The following FAR2 variants were observed in gnomAD, a reference collection of about 807,000 sequenced individuals.
The protein encoded by FAR2 is fatty acyl-CoA reductase 2.
In FAR2, 19 loss-of-function variants were observed where a neutral mutation model predicts 56.0. The observed-to-expected ratio is 0.34, with a 90% CI of 0.24 to 0.50. The LOEUF (loss-of-function observed/expected upper bound fraction) is 0.50. FAR2 is among the 20% of genes least tolerant of loss of function. The probability of loss-of-function intolerance (pLI) is 0.98; values close to 1 mark genes in which losing one functional copy is unlikely to be tolerated. For synonymous variants in FAR2, 219 were observed against 218.8 expected, an observed-to-expected ratio of 1.00 and a Z score of -0.01; for missense variants, 508 against 642.2, an observed-to-expected ratio of 0.79 and a Z score of 2.26.
chr12:29,292,362 G>A (rs1238449628), intron 2 of FAR2: 1 of 152,092 alleles, frequency 6.6e-6, no homozygotes, highest in African/African-American at 2.4e-5. Context: ...AATATATCAT[G>A]TAGACTCAAA....
intron 9 of FAR2, among the ~76,000 whole-genome samples, chr12:29,318,485 T>C (rs1227742104): frequency 6.6e-6 from 1 of 152,168 alleles, no homozygotes; most frequent in African/African-American, 2.4e-5. Flanking sequence ...TCTATATGTA[T>C]CTTGTGAGAA....
At chr12:29,200,863 A>C (rs1947400343) in intron 1 of FAR2, among the ~76,000 whole-genome samples, 1 of 152,164 alleles carries the variant, frequency 6.6e-6, no homozygotes, top group South Asian at 2.1e-4. Context: ...TTACTGAATA[A>C]ATGTGAGTCT....
intron 2 of FAR2, among the ~76,000 whole-genome samples, chr12:29,273,865 C>T (rs1948660577): frequency 6.6e-6 from 1 of 152,128 alleles, no homozygotes; most frequent in African/African-American, 2.4e-5. Context: ...TGCTCACTCA[C>T]CACCTCCCTT....
At chr12:29,271,152 A>G (rs948716490) in intron 2 of FAR2, among the ~76,000 whole-genome samples, 3 of 152,200 alleles carry the variant, frequency 2.0e-5, no homozygotes, top group Non-Finnish European at 4.4e-5. Flanking sequence ...CTATTATCCA[A>G]TAAGTTCTTC....
intron 2 of FAR2, among the ~76,000 whole-genome samples, chr12:29,278,348 TTAAATTTC>T (rs1438884474): frequency 6.6e-6 from 1 of 152,158 alleles, no homozygotes; most frequent in African/African-American, 2.4e-5. Flanking sequence ...TAGACTTTTT[TTAAATTTC>T]TGAGACATGG....
At chr12:29,261,173 C>T (rs1436530624) in intron 1 of FAR2, among the ~76,000 whole-genome samples, 1 of 152,090 alleles carries the variant, frequency 6.6e-6, no homozygotes, top group Non-Finnish European at 1.5e-5. Context: ...CACCAGTGAC[C>T]AATCCAAGGT....
Position 29,333,830 on chromosome 12 carries a change from CA to C in FAR2, c.*37del, listed in dbSNP as rs755459193. On this transcript the variant is annotated 3_prime_UTR_variant, in exon 12 of 12. Coordinates refer to ENST00000536681, the MANE Select transcript of FAR2 (RefSeq NM_001271783.2). The stretch of plus-strand genomic sequence containing the variant: ...CCATCGCTTTTTATCTGGAACCTCT[CA>C]GATACCTCTAAAACAGCAAACTGTG... 3 of 1,593,750 alleles carry C rather than the reference CA, an allele frequency of 1.9e-6. No homozygotes were observed. In the South Asian group the frequency reaches 3.4e-5, roughly 18 times the overall value.
chr12:29,309,642 G>A (rs1220922419), intron 6 of FAR2: 1 of 155,516 alleles, frequency 6.4e-6, no homozygotes, highest in East Asian at 1.9e-4. Flanking sequence ...GAGTTTATGT[G>A]CGTGTGTAGA....
At chr12:29,311,611 ATGTGAACTCACATAT>A (rs1048605620) in intron 7 of FAR2, among the ~76,000 whole-genome samples, 27 of 151,890 alleles carry the variant, frequency 1.8e-4, no homozygotes, top group African/African-American at 6.3e-4. Flanking sequence ...AATTTTTCTT[ATGTGAACTCACATAT>A]ATGTACTCCA....
chr12:29,200,196 C>T (rs1284864570), intron 1 of FAR2, among the ~76,000 whole-genome samples: 6 of 152,062 alleles, frequency 3.9e-5, no homozygotes, highest in Non-Finnish European at 8.8e-5. Flanking sequence ...TTATTGCTAT[C>T]GGCCAGAAAG....
chr12:29,250,352 A>T (rs1037716819), intron 1 of FAR2, among the ~76,000 whole-genome samples: 3 of 152,172 alleles, frequency 2.0e-5, no homozygotes, highest in Non-Finnish European at 4.4e-5. Context: ...TTTGATTATT[A>T]AGGCAGCTCT....
At chr12:29,259,784 A>T (rs752182043) in intron 1 of FAR2, among the ~76,000 whole-genome samples, 1 of 152,210 alleles carries the variant, frequency 6.6e-6, no homozygotes, top group Non-Finnish European at 1.5e-5. Context: ...TTCAGTAAAA[A>T]TACGCAGACT....
intron 1 of FAR2, among the ~76,000 whole-genome samples, chr12:29,251,246 C>A (rs1948205606): frequency 6.6e-6 from 1 of 152,148 alleles, no homozygotes; most frequent in Admixed American, 6.5e-5. Context: ...AGTTTACAGA[C>A]CTAGAACCTT....
chr12:29,296,265 T>C (rs1480940370), intron 3 of FAR2, among the ~76,000 whole-genome samples: 1 of 152,236 alleles, frequency 6.6e-6, no homozygotes, highest in African/African-American at 2.4e-5. Flanking sequence ...AGAACAATGT[T>C]AAGTAGTAGT....
rs1565518649 is a variant in FAR2 at position 29,311,120 on chromosome 12, T to TGTAGGATGGTATACTGCAGTTC, written c.862_883dup (p.His295ArgfsTer11). ...ATACAGTCGTCAATCTCATGCTAGC[T>TGTAGGATGGTATACTGCAGTTC]GTAGGATGGTATACTGCAGTTCACA... On this transcript the variant is annotated frameshift_variant, in exon 7 of 12. Coordinates refer to ENST00000536681, the MANE Select transcript of FAR2 (RefSeq NM_001271783.2). LOFTEE classifies it high-confidence loss of function. 6.2e-7 allele frequency: 1 copy of TGTAGGATGGTATACTGCAGTTC among 1,613,316 alleles called. No homozygotes were observed. The highest frequency in any genetic ancestry group is 1.7e-5 in the Admixed American group (1 of 59,988).
chr12:29,239,360 C>T (rs886099084), intron 1 of FAR2, among the ~76,000 whole-genome samples: 3 of 151,960 alleles, frequency 2.0e-5, no homozygotes, highest in Non-Finnish European at 4.4e-5. Context: ...CTTTCCATTT[C>T]CTAAGAGCTA....
rs371491037 is a variant in FAR2, at chr12:29,179,621, C to T, written c.-39+30214C>T. Among the ~76,000 whole-genome samples the T allele has an allele frequency of 9.8e-5, 15 of 152,290 alleles. No homozygotes were observed. In the East Asian group the frequency reaches 1.5e-3, roughly 16 times the overall value. On this transcript the variant is annotated intron_variant, in intron 1 of 11. Coordinates refer to ENST00000536681, the MANE Select transcript of FAR2 (RefSeq NM_001271783.2). The stretch of plus-strand genomic sequence containing the variant: ...ACATCAGAGAGACACCTACCTACTC[C>T]GACCTTGTCAGGCAGTCCATGGCCA...
intron 2 of FAR2, among the ~76,000 whole-genome samples, chr12:29,286,040 T>C (rs1948869537): frequency 6.8e-6 from 1 of 146,224 alleles, no homozygotes; most frequent in African/African-American, 2.6e-5. Context: ...ATCAGAAACG[T>C]TGGCATGACC....
At chr12:29,160,858 A>G (rs766140476) in intron 1 of FAR2, among the ~76,000 whole-genome samples, 1 of 152,060 alleles carries the variant, frequency 6.6e-6, no homozygotes, top group Non-Finnish European at 1.5e-5. Context: ...ATCTTAACTA[A>G]TTGTATTTGC....
Sources: gnomAD v4.1 joint callset for allele counts (sites outside exome capture counted in the v4.1 genomes callset) on GRCh38, gnomAD v4.1.1 for gene constraint, MANE v1.5 for transcripts, NCBI Gene and HGNC (gene_info 2026-07-23, HGNC 2026-07-21) for gene names.